The following KCNK13 variants were observed in gnomAD, a reference collection of about 807,000 sequenced individuals.
KCNK13 encodes potassium two pore domain channel subfamily K member 13.
In KCNK13, 12 loss-of-function variants were observed where a neutral mutation model predicts 23.4. The ratio of observed to expected loss-of-function variants is 0.51; its 90% CI spans 0.33 to 0.83. The LOEUF (loss-of-function observed/expected upper bound fraction) is 0.83. Among genes scored for constraint, KCNK13 ranks in the 40% least tolerant of loss-of-function variants. The pLI is 0.02. For missense variants in KCNK13, 463 were observed against 556.3 expected (o/e 0.83, Z 1.69); for synonymous variants, 231 against 229.5 (o/e 1.01, Z -0.06).
chr14:90,169,021 G>A lies in KCNK13; in HGVS notation c.335-15090G>A, dbSNP rs142782659. On this transcript the variant is annotated intron_variant, in intron 1 of 1. Coordinates refer to ENST00000282146, the MANE Select transcript of KCNK13 (RefSeq NM_022054.4). ...TGTGAAGCCTCCCCAACCGTGTGGA[G>A]CTGTGAGTCAATTAAATTTCTTTCC... 6.5e-3 allele frequency among the ~76,000 whole-genome samples: 997 copies of A among 152,276 alleles called. 8 individuals carry two copies. The highest frequency in any genetic ancestry group is 0.023 in the African/African-American group (963 of 41,550).
At chr14:90,084,493 T>C (rs1047324857) in intron 1 of KCNK13, among the ~76,000 whole-genome samples, 4 of 152,228 alleles carry the variant, frequency 2.6e-5, no homozygotes, top group African/African-American at 9.6e-5. Context: ...TTGTATCCTG[T>C]GGCCTTGCTA....
intron 1 of KCNK13, among the ~76,000 whole-genome samples, chr14:90,159,132 G>A (rs900947930): frequency 6.6e-6 from 1 of 152,182 alleles, no homozygotes; most frequent in Middle Eastern, 3.2e-3. Flanking sequence ...AGAGCAAAGA[G>A]AGGGTGAGAG....
intron 1 of KCNK13, among the ~76,000 whole-genome samples, chr14:90,163,417 GAT>G (rs1169205958): frequency 6.6e-6 from 1 of 152,224 alleles, no homozygotes; most frequent in African/African-American, 2.4e-5. Flanking sequence ...GAGCCTCTGA[GAT>G]ATGGTTCAGG....
At position 90,062,582 on chromosome 14, in the gene KCNK13, TC is replaced by T; in HGVS notation, c.334+45del. 1 of 1,386,948 alleles carries T rather than the reference TC, an allele frequency of 7.2e-7. No homozygotes were observed. The highest frequency in any genetic ancestry group is 9.5e-7 in the Non-Finnish European group (1 of 1,049,458). The allele number at this position is 1,386,948 out of a possible 1,614,324, so 85.9% of individuals were successfully genotyped here. On this transcript the variant is annotated intron_variant, in intron 1 of 1. Coordinates refer to ENST00000282146, the MANE Select transcript of KCNK13 (RefSeq NM_022054.4). The surrounding 1 kb of genome is among the most constrained non-coding windows in gnomAD (Gnocchi z 4.5). ...ACTCGCTGACAACCTCCGGGCGGCC[TC>T]CACTTCCTCCGGGGGGCAGGACCGA...
chr14:90,147,355 C>T (rs1375409965), intron 1 of KCNK13, among the ~76,000 whole-genome samples: 6 of 152,028 alleles, frequency 3.9e-5, no homozygotes, highest in African/African-American at 9.7e-5. Context: ...TGGGCTCAAG[C>T]GATCCCCCCT....
At chr14:90,182,386 G>A (rs1461692475) in intron 1 of KCNK13, among the ~76,000 whole-genome samples, 1 of 152,170 alleles carries the variant, frequency 6.6e-6, no homozygotes, top group Non-Finnish European at 1.5e-5. Flanking sequence ...GGGTGCACTG[G>A]GAGGCAGCCG....
intron 1 of KCNK13, among the ~76,000 whole-genome samples, chr14:90,137,247 T>G (rs1566643011): frequency 6.6e-6 from 1 of 152,118 alleles, no homozygotes. Flanking sequence ...GCCTTTTTCT[T>G]TTTTCAACTT....
At chr14:90,066,530 G>A (rs892850820) in intron 1 of KCNK13, among the ~76,000 whole-genome samples, 1 of 152,122 alleles carries the variant, frequency 6.6e-6, no homozygotes, top group Non-Finnish European at 1.5e-5. Context: ...GCCTCCCAAA[G>A]TGCTGAGATT....
At chr14:90,117,658 A>C (rs994145569) in intron 1 of KCNK13, among the ~76,000 whole-genome samples, 5 of 152,302 alleles carry the variant, frequency 3.3e-5, no homozygotes, top group South Asian at 2.1e-4. Flanking sequence ...ATAGTTGACC[A>C]CAGGTAACTG....
In KCNK13 at chr14:90,163,640, C is replaced by T. The variant is rs558135341; in HGVS notation, c.335-20471C>T. 2.0e-5 allele frequency among the ~76,000 whole-genome samples: 3 copies of T among 152,314 alleles called. No individual in the cohort carries two copies. In the South Asian group the frequency reaches 6.2e-4, roughly 32 times the overall value. On this transcript the variant is annotated intron_variant, in intron 1 of 1. Coordinates refer to ENST00000282146, the MANE Select transcript of KCNK13 (RefSeq NM_022054.4). ...TGTGGTTTGCACTGGGTGCTTCACA[C>T]TTGCTAGCTGAGTTGGCAGTTCCAT...
chr14:90,138,927 G>GA (rs1467166920), intron 1 of KCNK13, among the ~76,000 whole-genome samples: 2 of 152,136 alleles, frequency 1.3e-5, no homozygotes, highest in Non-Finnish European at 2.9e-5. Context: ...AGTATGGCCA[G>GA]AAAAAAACAC....
chr14:90,133,376 G>A (rs1017119037), intron 1 of KCNK13, among the ~76,000 whole-genome samples: 3 of 152,048 alleles, frequency 2.0e-5, no homozygotes, highest in Admixed American at 6.5e-5. Flanking sequence ...CCTATGGGAT[G>A]GGAGTTTAAG....
chr14:90,109,611 C>T (rs1004734437), intron 1 of KCNK13, among the ~76,000 whole-genome samples: 1 of 151,842 alleles, frequency 6.6e-6, no homozygotes, highest in Non-Finnish European at 1.5e-5. Flanking sequence ...GAGGTTTCAC[C>T]ATGTTAGCCA....
intron 1 of KCNK13, among the ~76,000 whole-genome samples, chr14:90,067,691 G>A (rs1453558309): frequency 2.6e-5 from 4 of 152,134 alleles, no homozygotes; most frequent in Non-Finnish European, 5.9e-5. Context: ...TCTGAAAAAG[G>A]CTGGAGATCA....
chr14:90,066,387 C>T (rs1304444378), intron 1 of KCNK13, among the ~76,000 whole-genome samples: 1 of 150,992 alleles, frequency 6.6e-6, no homozygotes, highest in African/African-American at 2.4e-5. Context: ...CTGCCTTGGC[C>T]TCCCAAGTAG....
intron 1 of KCNK13, among the ~76,000 whole-genome samples, chr14:90,126,291 CA>C (rs976448464): frequency 6.6e-6 from 1 of 152,024 alleles, no homozygotes; most frequent in South Asian, 2.1e-4. Context: ...GACTTCCTTC[CA>C]AAAAGCACAA....
At chr14:90,102,463 C>T (rs1889493455) in intron 1 of KCNK13, among the ~76,000 whole-genome samples, 1 of 152,148 alleles carries the variant, frequency 6.6e-6, no homozygotes, top group Non-Finnish European at 1.5e-5. Context: ...AGGATTTGAT[C>T]CCAGATGATT....
intron 1 of KCNK13, among the ~76,000 whole-genome samples, chr14:90,086,901 T>C (rs1229974876): frequency 6.6e-6 from 1 of 151,994 alleles, no homozygotes; most frequent in Non-Finnish European, 1.5e-5. Context: ...CCTGAGGGAC[T>C]AACCTTGAGC....
At chr14:90,159,184 T>G (rs1566648713) in intron 1 of KCNK13, among the ~76,000 whole-genome samples, 1 of 152,280 alleles carries the variant, frequency 6.6e-6, no homozygotes, top group East Asian at 1.9e-4. Context: ...CCTTTTATAG[T>G]CGGCATTAAT....
Sources: allele counts gnomAD v4.1 joint callset (sites outside exome capture counted in the v4.1 genomes callset), GRCh38; gene constraint gnomAD v4.1.1; non-coding constraint Gnocchi (gnomAD v3.1); transcripts MANE v1.5; gene names NCBI Gene and HGNC (gene_info 2026-07-23, HGNC 2026-07-21).